The following MAP3K4 variants were observed in gnomAD, a reference collection of about 807,000 sequenced individuals.
The protein encoded by MAP3K4 is MAP three kinase 1.
In MAP3K4, 67 loss-of-function variants were observed where a neutral mutation model predicts 185.6. The ratio of observed to expected loss-of-function variants is 0.36; its 90% confidence interval spans 0.30 to 0.44. MAP3K4 has a LOEUF of 0.44. Among genes scored for constraint, MAP3K4 ranks in the 20% least tolerant of loss-of-function variants. The pLI is 1.00. For synonymous variants in MAP3K4, 702 were observed against 710.4 expected (o/e 0.99, Z 0.19); for missense variants, 1,551 against 1,995.1 (o/e 0.78, Z 4.24).
intron 1 of MAP3K4, among the ~76,000 whole-genome samples, chr6:161,016,723 C>G (rs1782133159): frequency 6.6e-6 from 1 of 152,194 alleles, no homozygotes; most frequent in African/African-American, 2.4e-5. Context: ...ATGCCATTAT[C>G]ACACTCTTAA....
intron 1 of MAP3K4, among the ~76,000 whole-genome samples, chr6:161,016,348 A>G (rs966152012): frequency 1.3e-5 from 2 of 152,002 alleles, no homozygotes; most frequent in African/African-American, 4.8e-5. Flanking sequence ...AAAAGTTTCT[A>G]ATTTTGATGC....
intron 1 of MAP3K4, among the ~76,000 whole-genome samples, chr6:161,002,701 C>T (rs555431504): frequency 3.4e-5 from 5 of 146,180 alleles, no homozygotes; most frequent in South Asian, 4.4e-4. Context: ...ATGCCATTCT[C>T]CTGCCTCAGC....
intron 3 of MAP3K4, among the ~76,000 whole-genome samples, chr6:161,057,054 AC>A (rs1196332198): frequency 6.6e-6 from 1 of 152,182 alleles, no homozygotes; most frequent in Non-Finnish European, 1.5e-5. Context: ...TAATTGTCTG[AC>A]TTTGTTGCCT....
intron 1 of MAP3K4, among the ~76,000 whole-genome samples, chr6:161,001,542 T>G (rs1237416267): frequency 6.6e-6 from 1 of 152,198 alleles, no homozygotes; most frequent in Non-Finnish European, 1.5e-5. Context: ...TACATATTTG[T>G]TTATTATGTT....
In MAP3K4 at chr6:161,112,249, ATTGT is replaced by A. The variant is rs1165973704; in HGVS notation, c.4519+296_4519+299del. Among the ~76,000 whole-genome samples the A allele has an allele frequency of 2.0e-5, 3 of 152,036 alleles. No individual in the cohort carries two copies. The highest frequency in any genetic ancestry group is 4.4e-5 in the Non-Finnish European group (3 of 68,002). ...TTCTTAAAACTTAAAAAATGTAGACATTGTTTGTGCTCTGTAATGTGGCTTACCC... is the reference window on the plus strand; with the variant it reads ...TTCTTAAAACTTAAAAAATGTAGACATTGTGCTCTGTAATGTGGCTTACCC... On this transcript the variant is annotated intron_variant, in intron 24 of 26. Transcript: ENST00000392142. This position sits in a 1 kb window ranked among gnomAD's most constrained non-coding sequence, Gnocchi z 5.1.
In MAP3K4 at chr6:161,078,946, G is replaced by T. The variant is rs1333220747; in HGVS notation, c.2098-1935G>T. Among the ~76,000 whole-genome samples, 3 of 152,170 alleles carry T rather than the reference G, an allele frequency of 2.0e-5. No individual in the cohort carries two copies. In the East Asian group the frequency reaches 5.8e-4, roughly 29 times the overall value. Reference sequence around the variant, plus strand: ...GGAGCAGTTGGAGCCGGGTGCGGTGGCTCTCGACTGTAATCCCAACACTTT... The same window carrying T: ...GGAGCAGTTGGAGCCGGGTGCGGTGTCTCTCGACTGTAATCCCAACACTTT... On this transcript the variant is annotated intron_variant, in intron 5 of 26. Coordinates refer to ENST00000392142, the MANE Select transcript of MAP3K4 (RefSeq NM_005922.4).
chr6:161,082,928 C>G lies in MAP3K4; in HGVS notation c.2256-1573C>G, dbSNP rs1785525752. 6.6e-6 allele frequency among the ~76,000 whole-genome samples: 1 copy of G among 152,216 alleles called. No individual in the cohort carries two copies. Among genetic ancestry groups the G allele is most frequent in the African/African-American group, 2.4e-5 (1 of 41,450 alleles). ...CTTCTCTCAATTTCCCAGTGGCTCC[C>G]CATCTTACTCAGGAAACGTAAGACT... On this transcript the variant is annotated intron_variant, in intron 6 of 26. Coordinates refer to ENST00000392142, the MANE Select transcript of MAP3K4 (RefSeq NM_005922.4). This position sits in a 1 kb window ranked among gnomAD's most constrained non-coding sequence, Gnocchi z 4.2.
At chr6:161,024,778 C>T (rs1404663048) in intron 1 of MAP3K4, among the ~76,000 whole-genome samples, 1 of 152,140 alleles carries the variant, frequency 6.6e-6, no homozygotes, top group Admixed American at 6.5e-5. Context: ...TGTCAGGTTA[C>T]CCCATTGCAA....
rs1778102004 is a variant in MAP3K4, at chr6:161,106,984, A to AGTGGAGAG, written c.4048+282_4048+289dup. 2.6e-5 allele frequency among the ~76,000 whole-genome samples: 4 copies of AGTGGAGAG among 152,142 alleles called. No individual in the cohort carries two copies. In the South Asian group the frequency reaches 6.2e-4, roughly 24 times the overall value. On this transcript the variant is annotated intron_variant, in intron 20 of 26. Coordinates refer to ENST00000392142, the MANE Select transcript of MAP3K4 (RefSeq NM_005922.4). The surrounding 1 kb of genome is among the most constrained non-coding windows in gnomAD (Gnocchi z 4.9). ...TTGCTTAATAACCCTGGAATTTGCC[A>AGTGGAGAG]GTGGAGAGGTACCAAAATTTGACCC...
rs1785109444 is a variant in MAP3K4, at chr6:161,075,077, A to G, written c.2097+1465A>G. Reference sequence around the variant, plus strand: ...ATATTATATCTGGCATATTGCAAGAAATCATTTTAATGAGTTAGAAGTTAT... The same window carrying G: ...ATATTATATCTGGCATATTGCAAGAGATCATTTTAATGAGTTAGAAGTTAT... On this transcript the variant is annotated intron_variant, in intron 5 of 26. Coordinates refer to ENST00000392142, the MANE Select transcript of MAP3K4 (RefSeq NM_005922.4). This position sits in a 1 kb window ranked among gnomAD's most constrained non-coding sequence, Gnocchi z 4.3. 6.6e-6 allele frequency among the ~76,000 whole-genome samples: 1 copy of G among 152,260 alleles called. No individual in the cohort carries two copies. Among genetic ancestry groups the G allele is most frequent in the Admixed American group, 6.5e-5 (1 of 15,286 alleles).
chr6:161,023,128 A>G (rs1208345804), intron 1 of MAP3K4, among the ~76,000 whole-genome samples: 1 of 152,162 alleles, frequency 6.6e-6, no homozygotes, highest in Non-Finnish European at 1.5e-5. Flanking sequence ...GAATTTTTCA[A>G]TCTTCCACCA....
rs1245528434 is a variant in MAP3K4 at position 161,043,714 on chromosome 6, T to C, written c.344-4902T>C. 6.6e-6 allele frequency among the ~76,000 whole-genome samples: 1 copy of C among 152,216 alleles called. No individual in the cohort carries two copies. Among genetic ancestry groups the C allele is most frequent in the Non-Finnish European group, 1.5e-5 (1 of 68,034 alleles). Reference sequence around the variant, plus strand: ...TACGTGCACTTTAGCAGGAACGCAGTGATTTCGAACATACACTGAAATTTG... The same window carrying C: ...TACGTGCACTTTAGCAGGAACGCAGCGATTTCGAACATACACTGAAATTTG... On this transcript the variant is annotated intron_variant, in intron 2 of 26. Transcript: ENST00000392142. The surrounding 1 kb of genome is among the most constrained non-coding windows in gnomAD (Gnocchi z 4.3).
At chr6:161,028,749 A>G (rs1782787892) in intron 1 of MAP3K4, among the ~76,000 whole-genome samples, 1 of 152,194 alleles carries the variant, frequency 6.6e-6, no homozygotes, top group Non-Finnish European at 1.5e-5. Flanking sequence ...AAGCAAGATT[A>G]GTTAGGTTTG....
intron 1 of MAP3K4, among the ~76,000 whole-genome samples, chr6:160,999,983 G>C (rs1447690329): frequency 6.6e-6 from 1 of 152,196 alleles, no homozygotes; most frequent in African/African-American, 2.4e-5. Flanking sequence ...GAAATTTTCA[G>C]ATACGTTGTT....
intron 1 of MAP3K4, among the ~76,000 whole-genome samples, chr6:161,027,702 A>C (rs1213600234): frequency 6.6e-6 from 1 of 152,266 alleles, no homozygotes; most frequent in African/African-American, 2.4e-5. Flanking sequence ...TCATGGGTTT[A>C]AAGCAAAAAT....
intron 2 of MAP3K4, among the ~76,000 whole-genome samples, chr6:161,044,952 C>G (rs1331830851): frequency 1.3e-5 from 2 of 152,148 alleles, no homozygotes; most frequent in African/African-American, 4.8e-5. Flanking sequence ...CATCTCTCAT[C>G]AGGCCCCACT....
chr6:160,995,361 CTG>C (rs1405993207), intron 1 of MAP3K4, among the ~76,000 whole-genome samples: 1 of 152,198 alleles, frequency 6.6e-6, no homozygotes, highest in Non-Finnish European at 1.5e-5. Context: ...TACTTTATGT[CTG>C]TGTGTCATTG....
In MAP3K4 at chr6:161,091,698, A is replaced by C. The variant is rs1777319439; in HGVS notation, c.3135+158A>C. ...TGCTGTATATCAGAGATGTTAGTTTACTTTTAAACTGTTAGGTAATTGTCC... is the reference window on the plus strand; with the variant it reads ...TGCTGTATATCAGAGATGTTAGTTTCCTTTTAAACTGTTAGGTAATTGTCC... On this transcript the variant is annotated intron_variant, in intron 12 of 26. Coordinates refer to ENST00000392142, the MANE Select transcript of MAP3K4 (RefSeq NM_005922.4). This position sits in a 1 kb window ranked among gnomAD's most constrained non-coding sequence, Gnocchi z 5.5. Among the ~76,000 whole-genome samples, 2 of 152,220 alleles carry C rather than the reference A, an allele frequency of 1.3e-5. No homozygotes were observed. The highest frequency in any genetic ancestry group is 1.9e-4 in the East Asian group (1 of 5,200).
At chr6:161,085,408 G>A (rs1463546262) in intron 7 of MAP3K4, among the ~76,000 whole-genome samples, 1 of 152,092 alleles carries the variant, frequency 6.6e-6, no homozygotes, top group Non-Finnish European at 1.5e-5. Context: ...ATGGTATTTA[G>A]GTCGAAACTT....
Sources: allele counts gnomAD v4.1 joint callset (sites outside exome capture counted in the v4.1 genomes callset), GRCh38; gene constraint gnomAD v4.1.1; non-coding constraint Gnocchi (gnomAD v3.1); transcripts MANE v1.5; gene names NCBI Gene and HGNC (gene_info 2026-07-23, HGNC 2026-07-21).